Variants in ROBO2 observed in about 807,000 individuals in gnomAD.
The protein encoded by ROBO2 is roundabout homolog 2.
ROBO2 carries 53 observed loss-of-function variants against 160.8 expected under a neutral mutation model. That is an observed-to-expected ratio of 0.33 (90% CI 0.26 to 0.41). The LOEUF (loss-of-function observed/expected upper bound fraction) is 0.41. Among genes scored for constraint, ROBO2 ranks in the 10% least tolerant of loss-of-function variants. The probability of loss-of-function intolerance (pLI) is 1.00; values close to 1 mark genes in which losing one functional copy is unlikely to be tolerated. For synonymous variants in ROBO2, 664 were observed against 611.7 expected, an observed-to-expected ratio of 1.09 and a Z score of -1.26; for missense variants, 1,577 against 1,722.4, an observed-to-expected ratio of 0.92 and a Z score of 1.49.
chr3:76,879,213 G>A (rs902470998), intron 2 of ROBO2, among the ~76,000 whole-genome samples: 1 of 152,100 alleles, frequency 6.6e-6, no homozygotes, highest in Non-Finnish European at 1.5e-5. Context: ...CGAAGGAAAT[G>A]TGAAGGGGAG....
At chr3:76,342,639 C>T (rs2074297782) in intron 2 of ROBO2, among the ~76,000 whole-genome samples, 1 of 151,974 alleles carries the variant, frequency 6.6e-6, no homozygotes, top group African/African-American at 2.4e-5. Flanking sequence ...CAAATATATC[C>T]TATAACAAAG....
intron 2 of ROBO2, among the ~76,000 whole-genome samples, chr3:76,577,765 T>C (rs2085397687): frequency 6.6e-6 from 1 of 152,150 alleles, no homozygotes; most frequent in Admixed American, 6.6e-5. Flanking sequence ...TCAAACCTTA[T>C]CATAATCCCT....
intron 2 of ROBO2, among the ~76,000 whole-genome samples, chr3:76,906,523 G>A (rs1303822226): frequency 2.0e-5 from 3 of 151,700 alleles, no homozygotes. Context: ...TAAGTAAAGG[G>A]TACCTGGCAC....
intron 2 of ROBO2, among the ~76,000 whole-genome samples, chr3:77,298,383 C>A (rs1560478245): frequency 6.6e-6 from 1 of 152,226 alleles, no homozygotes; most frequent in East Asian, 1.9e-4. Flanking sequence ...GAACTCCAAT[C>A]CCAACCCCTC....
At chr3:75,928,939 A>T in intron 1 of ROBO2, among the ~76,000 whole-genome samples, 1 of 138,338 alleles carries the variant, frequency 7.2e-6, no homozygotes. Context: ...TGTACTTTCA[A>T]TGTACCTTCA....
At chr3:76,667,331 A>G (rs916791688) in intron 2 of ROBO2, among the ~76,000 whole-genome samples, 2 of 152,200 alleles carry the variant, frequency 1.3e-5, no homozygotes, top group African/African-American at 4.8e-5. Context: ...TATCAACAAG[A>G]TTCCCAAATG....
Position 76,379,121 on chromosome 3 carries a change from A to G in ROBO2, c.109+441519A>G, listed in dbSNP as rs147093850. 4.9e-3 allele frequency among the ~76,000 whole-genome samples: 739 copies of G among 152,276 alleles called. 3 individuals carry two copies. The highest frequency in any genetic ancestry group is 0.014 in the Middle Eastern group (4 of 294). ...GGAGCAGACATTAACAAATGAAGAC[A>G]TTGTTTTAGTAATACATCAAAGAGA... is the stretch of plus-strand genomic sequence containing the variant. On this transcript the variant is annotated intron_variant, in intron 2 of 26. Transcript: ENST00000487694.
exon 1 of ROBO2, chr3:77,040,206 C>T: frequency 1.0e-6 from 1 of 986,530 alleles, no homozygotes; most frequent in Non-Finnish European, 1.2e-6. Context: ...GAGAGGCCCG[C>T]CAAGTCTGCC....
At chr3:76,532,856 C>G (rs920851195) in intron 2 of ROBO2, among the ~76,000 whole-genome samples, 1 of 152,116 alleles carries the variant, frequency 6.6e-6, no homozygotes, top group African/African-American at 2.4e-5. Context: ...AGAGTGGGGT[C>G]ACGTTTTATA....
intron 1 of ROBO2, among the ~76,000 whole-genome samples, chr3:75,928,715 A>C (rs1029155084): frequency 1.3e-5 from 2 of 152,202 alleles, no homozygotes; most frequent in African/African-American, 4.8e-5. Context: ...TGATTATAGA[A>C]CGATCTATGT....
intron 2 of ROBO2, among the ~76,000 whole-genome samples, chr3:77,296,464 C>G (rs1159836627): frequency 6.6e-6 from 1 of 152,146 alleles, no homozygotes; most frequent in Non-Finnish European, 1.5e-5. Flanking sequence ...CACACTGCTG[C>G]ACATTGGACT....
intron 2 of ROBO2, among the ~76,000 whole-genome samples, chr3:76,634,573 GAAA>G (rs201395192): frequency 8.7e-6 from 1 of 114,762 alleles, no homozygotes; most frequent in Non-Finnish European, 1.9e-5. Context: ...GTCTCAAAGA[GAAA>G]AAAAAAAAAA....
intron 2 of ROBO2, among the ~76,000 whole-genome samples, chr3:76,534,174 G>A (rs552933884): frequency 6.6e-6 from 1 of 152,130 alleles, no homozygotes; most frequent in African/African-American, 2.4e-5. Context: ...ACCAGGGACT[G>A]TGTGGACACC....
intron 1 of ROBO2, among the ~76,000 whole-genome samples, chr3:75,922,949 T>C (rs1480949245): frequency 6.6e-6 from 1 of 152,208 alleles, no homozygotes; most frequent in Non-Finnish European, 1.5e-5. Flanking sequence ...TTTTAAACTT[T>C]TGCATTCTCA....
At chr3:77,245,358 T>C (rs902968341) in intron 2 of ROBO2, among the ~76,000 whole-genome samples, 1 of 152,184 alleles carries the variant, frequency 6.6e-6, no homozygotes, top group Admixed American at 6.5e-5. Context: ...GGTTAACGGG[T>C]AATGACATTG....
At chr3:76,354,688 G>C (rs2075055615) in intron 2 of ROBO2, among the ~76,000 whole-genome samples, 1 of 151,650 alleles carries the variant, frequency 6.6e-6, no homozygotes, top group African/African-American at 2.4e-5. Flanking sequence ...ACACATTCTA[G>C]GCAAGTGATA....
At chr3:76,494,346 A>T (rs776010185) in intron 2 of ROBO2, among the ~76,000 whole-genome samples, 1 of 152,208 alleles carries the variant, frequency 6.6e-6, no homozygotes, top group Non-Finnish European at 1.5e-5. Flanking sequence ...TACTTAATAC[A>T]CGTTTTACAT....
At chr3:76,466,633 A>G (rs1034634615) in intron 2 of ROBO2, among the ~76,000 whole-genome samples, 5 of 151,852 alleles carry the variant, frequency 3.3e-5, no homozygotes. Flanking sequence ...GCTTCTAGAG[A>G]CTATTTTTTG....
rs755236003 is a variant in ROBO2, at chr3:75,928,860, ACGTG to A, written c.-13-8620_-13-8617del. 4.4e-3 allele frequency among the ~76,000 whole-genome samples: 433 copies of A among 99,166 alleles called. 7 individuals carry two copies. Among genetic ancestry groups the A allele is most frequent in the Non-Finnish European group, 6.3e-3 (321 of 50,808 alleles). 65.1% of individuals were successfully genotyped at this position (99,166 alleles called of 152,430 possible). ...AACATGAGATCTGCAGCTGGATAAG[ACGTG>A]TGTGTGTGTGTGTGTGTGTGTGTGT... On this transcript the variant is annotated intron_variant, in intron 1 of 26. Transcript: ENST00000487694.
Sources: allele counts gnomAD v4.1 joint callset (sites outside exome capture counted in the v4.1 genomes callset), GRCh38; gene constraint gnomAD v4.1.1; transcripts MANE v1.5; gene names NCBI Gene and HGNC (gene_info 2026-07-23, HGNC 2026-07-21).